The following BCAP31 variants were observed in gnomAD, a reference collection of about 807,000 sequenced individuals.
BCAP31 encodes B-cell receptor-associated protein 31.
For missense variants in BCAP31, 124 were observed against 193.0 expected (o/e 0.64, Z 2.12); for synonymous variants, 75 against 80.9 (o/e 0.93, Z 0.39).
chrX:153,717,846 C>T (rs1376153982), intron 3 of BCAP31, among the ~76,000 whole-genome samples: 3 of 112,615 alleles, frequency 2.7e-5, no homozygotes, highest in Non-Finnish European at 5.6e-5. Flanking sequence ...AAAAACAGCA[C>T]ACCTGTATAA....
At chrX:153,720,460 G>A (rs1406142186) in intron 3 of BCAP31, among the ~76,000 whole-genome samples, 1 of 109,985 alleles carries the variant, frequency 9.1e-6, no homozygotes, top group Non-Finnish European at 1.9e-5. Flanking sequence ...TGCCTCGTGG[G>A]TTCAAGCAAT....
chrX:153,710,980 G>C (rs1395449984), intron 4 of BCAP31, among the ~76,000 whole-genome samples: 1 of 111,152 alleles, frequency 9.0e-6, no homozygotes, highest in Non-Finnish European at 1.9e-5. Context: ...ACCCAAGCTC[G>C]ACTGCCCGGA....
At chrX:153,720,187 AC>A (rs1162299640) in intron 3 of BCAP31, among the ~76,000 whole-genome samples, 2 of 111,512 alleles carry the variant, frequency 1.8e-5, no homozygotes, top group Non-Finnish European at 3.8e-5. Flanking sequence ...CACTACTCAG[AC>A]CAAGGTCACA....
rs782531205 is a variant in BCAP31 at position 153,715,703 on chromosome X, G to T, written c.194-14C>A. Reference sequence around the variant, plus strand: ...CGCGCACGGCATCTGTGGTGGAGCAGAGAGGAGACACGGGCATTTAGCGGA... The same window carrying T: ...CGCGCACGGCATCTGTGGTGGAGCATAGAGGAGACACGGGCATTTAGCGGA... On this transcript the variant is annotated splice_polypyrimidine_tract_variant and intron_variant, in intron 3 of 7. Transcript: ENST00000345046. The T allele has an allele frequency of 8.3e-7, 1 of 1,208,049 alleles. No individual in the cohort carries two copies. Among genetic ancestry groups the T allele is most frequent in the African/African-American group, 1.8e-5 (1 of 57,083 alleles).
chrX:153,711,735 T>C (rs1405840361), intron 4 of BCAP31, among the ~76,000 whole-genome samples: 6 of 108,658 alleles, frequency 5.5e-5, no homozygotes, highest in Non-Finnish European at 1.1e-4. Flanking sequence ...GGCAAAACCG[T>C]CTCTACTAAA....
At position 153,723,270 on chromosome X, in the gene BCAP31, G is replaced by A. The variant is rs1355457199; in HGVS notation, c.-26C>T. On this transcript the variant is annotated 5_prime_UTR_variant, in exon 2 of 8. Coordinates refer to ENST00000345046, the MANE Select transcript of BCAP31 (RefSeq NM_001256447.2). ...CCTGTTGCTAGAAGGTTTCCCACAG[G>A]AAGATGTGAGCTTGTTTCCTGGCAG... 3 of 1,201,738 alleles carry A rather than the reference G, an allele frequency of 2.5e-6. No individual in the cohort carries two copies. Among genetic ancestry groups the A allele is most frequent in the Non-Finnish European group, 3.4e-6 (3 of 890,651 alleles).
chrX:153,709,962 G>A (rs781807776), intron 4 of BCAP31, among the ~76,000 whole-genome samples: 4 of 112,666 alleles, frequency 3.6e-5, no homozygotes, highest in East Asian at 5.6e-4. Flanking sequence ...TGGGTCAGCC[G>A]GGAACATGGT....
At chrX:153,711,777 T>C (rs1263715228) in intron 4 of BCAP31, among the ~76,000 whole-genome samples, 1 of 109,872 alleles carries the variant, frequency 9.1e-6, no homozygotes, top group Non-Finnish European at 1.9e-5. Context: ...TGGTGGCATG[T>C]GCCTGTAGTC....
chrX:153,723,677 T>A (rs1465428713), intron 1 of BCAP31: 18 of 1,154,547 alleles, frequency 1.6e-5, no homozygotes, highest in Middle Eastern at 2.4e-4. Flanking sequence ...GGCGCTCCCT[T>A]CCCCGCCAGG....
chrX:153,709,225 A>G (rs1302399806), intron 4 of BCAP31, among the ~76,000 whole-genome samples: 1 of 112,192 alleles, frequency 8.9e-6, no homozygotes, highest in African/African-American at 3.2e-5. Flanking sequence ...AACCTAAAAA[A>G]GAAGAAAAAG....
intron 4 of BCAP31, among the ~76,000 whole-genome samples, chrX:153,709,983 C>T (rs1296173254): frequency 8.9e-6 from 1 of 112,591 alleles, no homozygotes; most frequent in Non-Finnish European, 1.9e-5. Context: ...GTGGGCCCCT[C>T]GGAACAGGCT....
chrX:153,703,404 T>G (rs1389700694), intron 5 of BCAP31, among the ~76,000 whole-genome samples: 3 of 112,991 alleles, frequency 2.7e-5, no homozygotes, highest in African/African-American at 9.6e-5. Context: ...CAGATGGCGG[T>G]GCCTCGTGCT....
At chrX:153,707,687 G>A (rs1430035364) in intron 4 of BCAP31, among the ~76,000 whole-genome samples, 1 of 112,301 alleles carries the variant, frequency 8.9e-6, no homozygotes, top group Admixed American at 9.4e-5. Flanking sequence ...ATTCACTGCC[G>A]CGACCTGAAG....
chrX:153,708,217 G>T (rs1360444298), intron 4 of BCAP31, among the ~76,000 whole-genome samples: 1 of 112,473 alleles, frequency 8.9e-6, no homozygotes, highest in Admixed American at 9.4e-5. Flanking sequence ...TTTATAAAAG[G>T]TTGAGTAAAC....
At chrX:153,704,833 C>A (rs2091543821) in intron 4 of BCAP31, 1 of 111,962 alleles carries the variant, frequency 8.9e-6, no homozygotes, top group East Asian at 2.8e-4. Context: ...CGAATGAGGT[C>A]TTCTTGGGCT....
Position 153,703,942 on chromosome X carries a change from C to G in BCAP31, c.477+17G>C. 1.7e-6 allele frequency: 2 copies of G among 1,208,923 alleles called. No individual in the cohort carries two copies. Among genetic ancestry groups the G allele is most frequent in the Non-Finnish European group, 2.2e-6 (2 of 893,659 alleles). The stretch of plus-strand genomic sequence containing the variant: ...AACACCAGGACGCCCCATGGTGGGT[C>G]GGGAAGCTGGGCTCACCTTCTTGAG... On this transcript the variant is annotated intron_variant, in intron 5 of 7. Transcript: ENST00000345046.
At chrX:153,712,304 C>G (rs1357906200) in intron 4 of BCAP31, among the ~76,000 whole-genome samples, 2 of 110,751 alleles carry the variant, frequency 1.8e-5, no homozygotes, top group East Asian at 2.8e-4. Context: ...TGCCTATAGT[C>G]CCAGCTACTC....
chrX:153,711,491 G>A (rs1416493034), intron 4 of BCAP31, among the ~76,000 whole-genome samples: 2 of 112,280 alleles, frequency 1.8e-5, no homozygotes, highest in African/African-American at 6.5e-5. Flanking sequence ...AGTTGCATAC[G>A]AAGTCTGGAA....
chrX:153,717,653 G>A (rs370982097), intron 3 of BCAP31, among the ~76,000 whole-genome samples: 5 of 112,528 alleles, frequency 4.4e-5, no homozygotes, highest in African/African-American at 1.6e-4. Context: ...ACTCCTGAGC[G>A]CAAGCAACTG....
Sources: gnomAD v4.1 joint callset for allele counts (sites outside exome capture counted in the v4.1 genomes callset) on GRCh38, gnomAD v4.1.1 for gene constraint, MANE v1.5 for transcripts, NCBI Gene and HGNC (gene_info 2026-07-23, HGNC 2026-07-21) for gene names.